The following GPC6 variants were observed in gnomAD, a reference collection of about 807,000 sequenced individuals.
GPC6 encodes the protein glypican 6.
Under a neutral mutation model 55.2 loss-of-function variants are expected in GPC6, and 14 were observed. The ratio of observed to expected loss-of-function variants is 0.25; its 90% CI spans 0.17 to 0.40. GPC6 has a LOEUF of 0.40. Ranked by LOEUF, GPC6 falls within the 10% of genes least tolerant of loss-of-function variation. GPC6 has a pLI of 1.00. For missense variants in GPC6, 641 were observed against 708.5 expected (o/e 0.90, Z 1.08); for synonymous variants, 278 against 259.6 (o/e 1.07, Z -0.68).
intron 1 of GPC6, among the ~76,000 whole-genome samples, chr13:93,470,285 ATTATTT>A (rs3075912): frequency 0.23 from 34,841 of 151,850 alleles, 4,202 homozygotes; most frequent in East Asian, 0.36. Context: ...GTTAGGAAAA[ATTATTT>A]TTATTTCTAG....
intron 4 of GPC6, among the ~76,000 whole-genome samples, chr13:94,111,039 G>A (rs541368929): frequency 6.6e-6 from 1 of 152,104 alleles, no homozygotes; most frequent in African/African-American, 2.4e-5. Context: ...TGAACATTGC[G>A]CTAACAGCAT....
At chr13:93,470,386 A>T (rs1196570711) in intron 1 of GPC6, among the ~76,000 whole-genome samples, 1 of 151,988 alleles carries the variant, frequency 6.6e-6, no homozygotes, top group Non-Finnish European at 1.5e-5. Context: ...ATCATAAGGG[A>T]TTTCTTTTCG....
At chr13:93,797,651 C>T (rs1886241008) in intron 2 of GPC6, among the ~76,000 whole-genome samples, 1 of 152,096 alleles carries the variant, frequency 6.6e-6, no homozygotes, top group Admixed American at 6.5e-5. Flanking sequence ...TGAGTCATTT[C>T]ATAAACTTCA....
intron 6 of GPC6, among the ~76,000 whole-genome samples, chr13:94,367,333 T>C (rs1879327669): frequency 6.6e-6 from 1 of 152,248 alleles, no homozygotes; most frequent in South Asian, 2.1e-4. Context: ...TGACTTCTTG[T>C]GTTTTTCTTT....
intron 4 of GPC6, among the ~76,000 whole-genome samples, chr13:94,158,920 C>T (rs564386099): frequency 6.6e-6 from 1 of 151,784 alleles, no homozygotes; most frequent in Non-Finnish European, 1.5e-5. Context: ...ATCTTTACCA[C>T]TATCCCCCAA....
intron 2 of GPC6, among the ~76,000 whole-genome samples, chr13:93,665,471 A>G (rs1370054470): frequency 1.3e-5 from 2 of 152,054 alleles, no homozygotes; most frequent in Non-Finnish European, 2.9e-5. Context: ...GAAGGATTTG[A>G]AAAAGACTGT....
chr13:93,563,118 T>C (rs1183984261), intron 2 of GPC6, among the ~76,000 whole-genome samples: 2 of 152,224 alleles, frequency 1.3e-5, no homozygotes, highest in Non-Finnish European at 2.9e-5. Flanking sequence ...GACGAATTTA[T>C]ACTAATAAGT....
At chr13:93,515,218 G>T (rs1881142977) in intron 1 of GPC6, among the ~76,000 whole-genome samples, 1 of 152,088 alleles carries the variant, frequency 6.6e-6, no homozygotes, top group African/African-American at 2.4e-5. Context: ...CTCACTAGAT[G>T]CCAAATCTGC....
intron 4 of GPC6, among the ~76,000 whole-genome samples, chr13:94,195,065 G>A (rs1299242861): frequency 6.6e-6 from 1 of 152,156 alleles, no homozygotes; most frequent in Non-Finnish European, 1.5e-5. Flanking sequence ...TTCAAAATAA[G>A]AAGCCTGTTT....
chr13:93,325,324 T>G (rs1450049546), intron 1 of GPC6, among the ~76,000 whole-genome samples: 1 of 152,202 alleles, frequency 6.6e-6, no homozygotes, highest in Admixed American at 6.5e-5. Context: ...GGCAGTATTT[T>G]TAAGGTCTAA....
intron 4 of GPC6, among the ~76,000 whole-genome samples, chr13:94,212,936 T>A (rs1890121642): frequency 6.6e-6 from 1 of 152,186 alleles, no homozygotes; most frequent in African/African-American, 2.4e-5. Context: ...GGTGGGCAGA[T>A]CACAAGGTCA....
intron 2 of GPC6, among the ~76,000 whole-genome samples, chr13:93,755,617 C>T (rs527318241): frequency 7.9e-5 from 12 of 152,158 alleles, no homozygotes; most frequent in African/African-American, 1.7e-4. Context: ...GGTTTTAGAA[C>T]GTTGGGCATT....
chr13:94,219,744 C>T (rs1024144610), intron 4 of GPC6, among the ~76,000 whole-genome samples: 3 of 151,994 alleles, frequency 2.0e-5, no homozygotes, highest in African/African-American at 7.2e-5. Context: ...GGTCTCGTTT[C>T]GGAAGGCAAG....
intron 1 of GPC6, among the ~76,000 whole-genome samples, chr13:93,366,695 G>T (rs1881262453): frequency 6.6e-6 from 1 of 151,920 alleles, no homozygotes; most frequent in Non-Finnish European, 1.5e-5. Context: ...CCAATGATTT[G>T]CAATCCATTT....
At chr13:93,925,171 G>A (rs1467180204) in intron 3 of GPC6, among the ~76,000 whole-genome samples, 2 of 152,098 alleles carry the variant, frequency 1.3e-5, no homozygotes, top group African/African-American at 4.8e-5. Context: ...AAGGGCAGGC[G>A]CTGAAGATCA....
intron 4 of GPC6, among the ~76,000 whole-genome samples, chr13:94,161,000 C>T (rs1342001781): frequency 6.6e-6 from 1 of 152,064 alleles, no homozygotes; most frequent in South Asian, 2.1e-4. Context: ...TTAATTTTAC[C>T]AAGCCAGTGC....
At chr13:93,968,089 C>T (rs1358119365) in intron 3 of GPC6, among the ~76,000 whole-genome samples, 1 of 152,020 alleles carries the variant, frequency 6.6e-6, no homozygotes, top group African/African-American at 2.4e-5. Context: ...CTTTAATTCC[C>T]TTGAACTCAG....
At chr13:94,328,331 A>G (rs895342192) in intron 6 of GPC6, among the ~76,000 whole-genome samples, 1 of 152,178 alleles carries the variant, frequency 6.6e-6, no homozygotes, top group Non-Finnish European at 1.5e-5. Flanking sequence ...CCCGATGCCA[A>G]TGTGTTCAAT....
chr13:93,340,537 G>A (rs770306628), intron 1 of GPC6, among the ~76,000 whole-genome samples: 11 of 152,136 alleles, frequency 7.2e-5, no homozygotes, highest in Admixed American at 2.6e-4. Context: ...CTAAAGATCC[G>A]CAGTGAGGAA....
Sources: allele counts gnomAD v4.1 joint callset (sites outside exome capture counted in the v4.1 genomes callset), GRCh38; gene constraint gnomAD v4.1.1; transcripts MANE v1.5; gene names NCBI Gene and HGNC (gene_info 2026-07-23, HGNC 2026-07-21).